The following EML6 variants were observed in gnomAD, a reference collection of about 807,000 sequenced individuals.
EML6 encodes EMAP like 6, also known as echinoderm microtubule-associated protein-like 6.
Under a neutral mutation model 240.1 loss-of-function variants are expected in EML6, and 154 were observed. That is an observed-to-expected ratio of 0.64 (90% confidence interval 0.56 to 0.73). The LOEUF (loss-of-function observed/expected upper bound fraction) is 0.73, where lower values mean the gene tolerates loss of function less well. Ranked by LOEUF, EML6 falls within the 30% of genes least tolerant of loss-of-function variation. EML6 has a pLI of 0.00. For missense variants in EML6, 2,964 were observed against 2,474.6 expected, an observed-to-expected ratio of 1.20 and a Z score of -4.20; for synonymous variants, 1,148 against 899.0, an observed-to-expected ratio of 1.28 and a Z score of -4.95.
intron 17 of EML6, among the ~76,000 whole-genome samples, chr2:54,884,167 C>T (rs770715611): frequency 3.9e-5 from 6 of 152,084 alleles, no homozygotes; most frequent in Non-Finnish European, 7.4e-5. Flanking sequence ...ACCTTGGGTT[C>T]GATTAATTTG....
chr2:54,853,257 C>T (rs768290073), intron 10 of EML6, among the ~76,000 whole-genome samples: 6 of 152,012 alleles, frequency 3.9e-5, no homozygotes, highest in East Asian at 1.9e-4. Flanking sequence ...AGCATAATAC[C>T]ATCTGTATCA....
intron 2 of EML6, among the ~76,000 whole-genome samples, chr2:54,793,911 TCTC>T (rs1322441078): frequency 5.9e-5 from 9 of 152,156 alleles, no homozygotes; most frequent in African/African-American, 1.2e-4. Flanking sequence ...AGGAGACAGT[TCTC>T]CTTCTCAAAG....
At chr2:54,908,822 T>A (rs1002167582) in intron 24 of EML6, among the ~76,000 whole-genome samples, 1 of 152,140 alleles carries the variant, frequency 6.6e-6, no homozygotes, top group Non-Finnish European at 1.5e-5. Context: ...GAACTTTGAT[T>A]ACCCAGCCCA....
intron 26 of EML6, among the ~76,000 whole-genome samples, chr2:54,927,306 C>T (rs1395466094): frequency 2.0e-5 from 3 of 152,194 alleles, no homozygotes; most frequent in African/African-American, 7.2e-5. Flanking sequence ...CCTCCTGCAC[C>T]TGTTTCCTGC....
intron 11 of EML6, among the ~76,000 whole-genome samples, chr2:54,859,089 C>T (rs975577112): frequency 2.0e-5 from 3 of 152,164 alleles, no homozygotes; most frequent in Non-Finnish European, 4.4e-5. Context: ...GTAAAGCAAC[C>T]AGTTTAAGGA....
intron 2 of EML6, among the ~76,000 whole-genome samples, chr2:54,740,670 C>G (rs1330083977): frequency 6.6e-6 from 1 of 150,920 alleles, no homozygotes; most frequent in Non-Finnish European, 1.5e-5. Flanking sequence ...GTAGGCAGTC[C>G]TTTCAGCTTA....
At chr2:54,861,741 A>G (rs1670682658) in intron 12 of EML6, among the ~76,000 whole-genome samples, 1 of 151,524 alleles carries the variant, frequency 6.6e-6, no homozygotes, top group Non-Finnish European at 1.5e-5. Context: ...ATACAAGGCC[A>G]GTCTGACGAG....
At chr2:54,838,696 G>A (rs1351088992) in intron 7 of EML6, among the ~76,000 whole-genome samples, 1 of 152,172 alleles carries the variant, frequency 6.6e-6, no homozygotes, top group East Asian at 1.9e-4. Context: ...CTTGGCATAA[G>A]AGGATTTTTT....
At chr2:54,961,184 G>GTTGTTTTTTTTTTTTTTGTTTTTTTTT in intron 35 of EML6, among the ~76,000 whole-genome samples, 1 of 55,424 alleles carries the variant, frequency 1.8e-5, no homozygotes, top group Non-Finnish European at 3.2e-5. Context: ...TCAGGAAGTA[G>GTTGTTTTTTTTTTTTTTGTTTTTTTTT]TTTTTTTTTT....
chr2:54,792,732 T>G (rs164943), intron 2 of EML6, among the ~76,000 whole-genome samples: 73,926 of 152,050 alleles, frequency 0.49, 18,253 homozygotes, highest in Admixed American at 0.55. Context: ...GTATTTTTTA[T>G]ACCTAATACT....
chr2:54,949,886 C>T (rs915382572), intron 29 of EML6, among the ~76,000 whole-genome samples: 2 of 152,216 alleles, frequency 1.3e-5, no homozygotes, highest in Non-Finnish European at 2.9e-5. Flanking sequence ...CTCCTCCTGC[C>T]AGCTCCCAGT....
In EML6 at chr2:54,849,814, T is replaced by C. The variant is rs1362639312; in HGVS notation, c.1188-148T>C. 13 of 693,396 alleles carry C rather than the reference T, an allele frequency of 1.9e-5. No individual in the cohort carries two copies. In the East Asian group the frequency reaches 3.6e-4, roughly 19 times the overall value. 43.0% of individuals were successfully genotyped at this position (693,396 alleles called of 1,614,324 possible). A position where few individuals can be genotyped will look rare whatever the true frequency, so the allele number is the denominator to read the frequency against. ...ATGCCATAAATTTTAAATAATAACA[T>C]TTTATATATTTACTCAAAAGTTAAT... On this transcript the variant is annotated intron_variant, in intron 9 of 41. Transcript: ENST00000356458.
At chr2:54,761,050 T>C (rs958526681) in intron 2 of EML6, among the ~76,000 whole-genome samples, 3 of 152,188 alleles carry the variant, frequency 2.0e-5, no homozygotes, top group African/African-American at 7.2e-5. Flanking sequence ...TTTGAGAAAC[T>C]AGATTTCAGC....
intron 4 of EML6, among the ~76,000 whole-genome samples, chr2:54,818,507 T>C (rs1421058734): frequency 2.0e-5 from 3 of 152,136 alleles, no homozygotes; most frequent in East Asian, 1.9e-4. Context: ...CTCAGTTCAT[T>C]TTCCCCAGGA....
At chr2:54,930,067 C>G (rs1674771902) in intron 28 of EML6, among the ~76,000 whole-genome samples, 1 of 152,062 alleles carries the variant, frequency 6.6e-6, no homozygotes, top group African/African-American at 2.4e-5. Context: ...AAATGTTTCA[C>G]CTGAAGTATT....
chr2:54,911,734 G>C (rs1673652882), intron 25 of EML6, among the ~76,000 whole-genome samples: 1 of 152,196 alleles, frequency 6.6e-6, no homozygotes, highest in Non-Finnish European at 1.5e-5. Flanking sequence ...ACCGTGTCCA[G>C]CCTGGAAATT....
intron 2 of EML6, among the ~76,000 whole-genome samples, chr2:54,740,411 A>G (rs1683579131): frequency 6.6e-6 from 1 of 151,604 alleles, no homozygotes; most frequent in Admixed American, 6.7e-5. Flanking sequence ...GACTCAGCAG[A>G]GTAGAAGAAG....
At chr2:54,874,919 A>AC (rs1199313392) in intron 16 of EML6, among the ~76,000 whole-genome samples, 1 of 152,134 alleles carries the variant, frequency 6.6e-6, no homozygotes. Context: ...CAAAGGCAGA[A>AC]CCCAGGTCCA....
At chr2:54,959,644 A>C (rs1043819485) in intron 34 of EML6, among the ~76,000 whole-genome samples, 2 of 152,072 alleles carry the variant, frequency 1.3e-5, no homozygotes, top group African/African-American at 4.8e-5. Context: ...CGCCTGTAAT[A>C]CCAACTACTA....
Sources: allele counts gnomAD v4.1 joint callset (sites outside exome capture counted in the v4.1 genomes callset), GRCh38; gene constraint gnomAD v4.1.1; transcripts MANE v1.5; gene names NCBI Gene and HGNC (gene_info 2026-07-23, HGNC 2026-07-21).